The following INPP4B variants were observed in gnomAD, a reference collection of about 807,000 sequenced individuals.
INPP4B encodes the protein inositol polyphosphate 4-phosphatase type II.
In INPP4B, 55 loss-of-function variants were observed where a neutral mutation model predicts 122.5. The observed-to-expected ratio is 0.45, with a 90% CI of 0.36 to 0.56. The LOEUF is 0.56. Among genes scored for constraint, INPP4B ranks in the 20% least tolerant of loss-of-function variants. The pLI, the probability that INPP4B is intolerant of heterozygous loss-of-function variation, is 0.00. For missense variants in INPP4B, 1,000 were observed against 1,097.7 expected (o/e 0.91, Z 1.26); for synonymous variants, 403 against 388.7 (o/e 1.04, Z -0.43).
chr4:142,761,076 C>T (rs937581995), intron 1 of INPP4B, among the ~76,000 whole-genome samples: 2 of 152,010 alleles, frequency 1.3e-5, no homozygotes, highest in African/African-American at 4.8e-5. Context: ...ACAGAAGCTT[C>T]TCTGGCCCAG....
chr4:142,508,525 C>T (rs541933028), intron 2 of INPP4B, among the ~76,000 whole-genome samples: 64 of 152,256 alleles, frequency 4.2e-4, no homozygotes, highest in African/African-American at 1.3e-3. Flanking sequence ...TCTGCCCCCT[C>T]GGCCTCCCAA....
intron 7 of INPP4B, among the ~76,000 whole-genome samples, chr4:142,345,191 A>G (rs1178145059): frequency 1.3e-5 from 2 of 152,040 alleles, no homozygotes; most frequent in Non-Finnish European, 2.9e-5. Context: ...GAATCTATGC[A>G]TTACAGGGCA....
chr4:142,805,266 A>G (rs1778541344), intron 1 of INPP4B, among the ~76,000 whole-genome samples: 1 of 152,240 alleles, frequency 6.6e-6, no homozygotes, highest in African/African-American at 2.4e-5. Flanking sequence ...CCACTACAGA[A>G]GTTAAAAGGA....
At chr4:142,766,531 C>T (rs1290050899) in intron 1 of INPP4B, among the ~76,000 whole-genome samples, 1 of 151,896 alleles carries the variant, frequency 6.6e-6, no homozygotes, top group Non-Finnish European at 1.5e-5. Flanking sequence ...CCACCGCACT[C>T]AGCTAATTTT....
chr4:142,785,787 T>C (rs1018872711), intron 1 of INPP4B, among the ~76,000 whole-genome samples: 2 of 152,040 alleles, frequency 1.3e-5, no homozygotes, highest in African/African-American at 2.4e-5. Context: ...CTAGTATTAA[T>C]GACAGTCATC....
chr4:142,508,884 C>G (rs906032359), intron 2 of INPP4B, among the ~76,000 whole-genome samples: 6 of 152,108 alleles, frequency 3.9e-5, no homozygotes, highest in Admixed American at 2.0e-4. Flanking sequence ...AGGGCAGCCC[C>G]TCACTATGAA....
rs72615961 is a variant in INPP4B at position 142,578,072 on chromosome 4, G to A, written c.-190-115346C>T. Reference sequence around the variant, plus strand: ...GGAGAGGGAAAAACCACACAAAGGTGCAAATACCGGAGCTGAGGATTATGG... The same window carrying A: ...GGAGAGGGAAAAACCACACAAAGGTACAAATACCGGAGCTGAGGATTATGG... On this transcript the variant is annotated intron_variant, in intron 2 of 25. Coordinates refer to ENST00000262992, the MANE Select transcript of INPP4B (RefSeq NM_001101669.3). Among the ~76,000 whole-genome samples the A allele has an allele frequency of 0.012, 1,882 of 152,034 alleles. 86 individuals are homozygous for A. In the East Asian group the frequency reaches 0.17, roughly 14 times the overall value.
chr4:142,276,132 C>T (rs956388285), intron 9 of INPP4B, among the ~76,000 whole-genome samples: 1 of 151,682 alleles, frequency 6.6e-6, no homozygotes, highest in African/African-American at 2.4e-5. Flanking sequence ...TTCATGTGTC[C>T]CCTCCCAATA....
intron 9 of INPP4B, among the ~76,000 whole-genome samples, chr4:142,303,283 G>A (rs763222140): frequency 2.0e-5 from 3 of 152,048 alleles, no homozygotes; most frequent in Non-Finnish European, 4.4e-5. Context: ...GTGAATACAA[G>A]CACAACTGTA....
intron 2 of INPP4B, among the ~76,000 whole-genome samples, chr4:142,578,743 G>C (rs534553962): frequency 5.1e-4 from 78 of 151,844 alleles, no homozygotes; most frequent in African/African-American, 1.8e-3. Context: ...ATGAATGGGG[G>C]GACATATTTC....
chr4:142,339,900 C>T (rs1170484395), intron 7 of INPP4B, among the ~76,000 whole-genome samples: 1 of 151,972 alleles, frequency 6.6e-6, no homozygotes, highest in East Asian at 1.9e-4. Flanking sequence ...TTGTAGCTCA[C>T]ACAAAACTAA....
chr4:142,140,945 CTG>C (rs1807466407), intron 18 of INPP4B, among the ~76,000 whole-genome samples: 1 of 152,132 alleles, frequency 6.6e-6, no homozygotes, highest in South Asian at 2.1e-4. Flanking sequence ...CAGCTATTAA[CTG>C]TATTTGTATC....
chr4:142,326,650 G>A (rs1010499976), intron 7 of INPP4B, among the ~76,000 whole-genome samples: 6 of 152,080 alleles, frequency 3.9e-5, no homozygotes, highest in African/African-American at 9.7e-5. Flanking sequence ...CATTATGCTC[G>A]ATCCATTATC....
intron 18 of INPP4B, among the ~76,000 whole-genome samples, chr4:142,135,117 G>T (rs1403806289): frequency 6.6e-6 from 1 of 152,094 alleles, no homozygotes; most frequent in Non-Finnish European, 1.5e-5. Context: ...TTAATATCAA[G>T]AAAACCTCAA....
chr4:142,160,547 T>C lies in INPP4B; in HGVS notation c.1374A>G (p.Val458=), dbSNP rs1337494487. 3.8e-6 allele frequency: 6 copies of C among 1,595,092 alleles called. No individual in the cohort carries two copies. Among genetic ancestry groups the C allele is most frequent in the Admixed American group, 1.7e-5 (1 of 59,392 alleles). Residue 458 remains valine (V), a synonymous_variant, in exon 17 of 26, where the codon GTA becomes GTG. Transcript: ENST00000262992. The part of the protein sequence containing the change: ...KMLSEKTELF[V]HAFKDQLVRS... Reference sequence around the variant, plus strand: ...TGACAAGTTGATCCTTGAAGGCATGTACAAAAAGCTCTGTCTGGAAAGAAA... The same window carrying C: ...TGACAAGTTGATCCTTGAAGGCATGCACAAAAAGCTCTGTCTGGAAAGAAA...
At position 142,754,499 on chromosome 4, in the gene INPP4B, T is replaced by C. The variant is rs1236045655; in HGVS notation, c.-253-28598A>G. Among the ~76,000 whole-genome samples the C allele has an allele frequency of 3.9e-5, 6 of 152,162 alleles. No individual in the cohort carries two copies. In the East Asian group the frequency reaches 1.2e-3, roughly 29 times the overall value. ...ATCATGTTGTATCTTTTTTAACAGT[T>C]ATGCCATATCCAGTCTTTAAAAATT... On this transcript the variant is annotated intron_variant, in intron 1 of 25. Transcript: ENST00000262992.
At chr4:142,676,872 T>C (rs891677444) in intron 2 of INPP4B, among the ~76,000 whole-genome samples, 1 of 150,832 alleles carries the variant, frequency 6.6e-6, no homozygotes, top group Admixed American at 6.6e-5. Context: ...ACGTAAGACC[T>C]AAAACCATAA....
chr4:142,663,322 T>C (rs1051510467), intron 2 of INPP4B, among the ~76,000 whole-genome samples: 1 of 152,208 alleles, frequency 6.6e-6, no homozygotes, highest in African/African-American at 2.4e-5. Context: ...TCATTGTTAA[T>C]AAATTAGAAT....
At chr4:142,515,730 G>T (rs998327254) in intron 2 of INPP4B, among the ~76,000 whole-genome samples, 2 of 152,130 alleles carry the variant, frequency 1.3e-5, no homozygotes, top group Non-Finnish European at 2.9e-5. Flanking sequence ...ATGTTCAAAG[G>T]GTTCCATGGC....
Sources: gnomAD v4.1 joint callset for allele counts (sites outside exome capture counted in the v4.1 genomes callset) on GRCh38, gnomAD v4.1.1 for gene constraint, MANE v1.5 for transcripts, NCBI Gene and HGNC (gene_info 2026-07-23, HGNC 2026-07-21) for gene names.